PODXL: variants seen among roughly 807,000 people sequenced by gnomAD.
PODXL encodes the protein podocalyxin like.
A neutral mutation model predicts 48.9 loss-of-function variants in PODXL; 20 were observed. That is an observed-to-expected ratio of 0.41 (90% confidence interval 0.29 to 0.59). PODXL has a LOEUF of 0.59. PODXL is among the 20% of genes least tolerant of loss of function. The pLI, the probability that PODXL is intolerant of heterozygous loss-of-function variation, is 0.31. For missense variants in PODXL, 606 were observed against 675.1 expected (o/e 0.90, Z 1.13); for synonymous variants, 295 against 287.4 (o/e 1.03, Z -0.27).
chr7:131,506,106 C>G (rs1797795890), intron 7 of PODXL, 71 bp from the exon 8 acceptor site: 1 of 1,564,040 alleles, frequency 6.4e-7, no homozygotes, highest in African/African-American at 1.4e-5. Flanking sequence ...CACTGTAGAG[C>G]CCCTCCGCTT....
chr7:131,522,139 C>A (rs1211957683), intron 1 of PODXL, among the ~76,000 whole-genome samples: 1 of 152,146 alleles, frequency 6.6e-6, no homozygotes, highest in Non-Finnish European at 1.5e-5. Flanking sequence ...ACAAGGCCAG[C>A]AAGTGTGAAG....
chr7:131,535,222 A>G (rs1054580739), intron 1 of PODXL, among the ~76,000 whole-genome samples: 7 of 152,166 alleles, frequency 4.6e-5, no homozygotes, highest in Non-Finnish European at 8.8e-5. Flanking sequence ...GCAGAGCTTC[A>G]GTGTCGGAGG....
rs1562922076 is a variant in PODXL at position 131,556,290 on chromosome 7, GCGACGA to G, written c.64_69del (p.Ser22_Ser23del). ...TGGGAGGGCGACGGCGACGGCGACG[GCGACGA>G]CGGCAGCAGCGGCGGCGTTGACAAC... On this transcript the variant is annotated inframe_deletion, in exon 1 of 9. Coordinates refer to ENST00000378555, the MANE Select transcript of PODXL (RefSeq NM_001018111.3). The G allele has an allele frequency of 6.7e-7, 1 of 1,484,596 alleles. No homozygotes were observed. The highest frequency in any genetic ancestry group is 8.9e-7 in the Non-Finnish European group (1 of 1,122,010). 92.0% of individuals were successfully genotyped at this position (1,484,596 alleles called of 1,614,324 possible). A position where few individuals can be genotyped will look rare whatever the true frequency, so the allele number is the denominator to read the frequency against.
intron 1 of PODXL, among the ~76,000 whole-genome samples, chr7:131,515,488 G>A (rs1797979395): frequency 6.6e-6 from 1 of 151,912 alleles, no homozygotes; most frequent in Admixed American, 6.6e-5. Flanking sequence ...TGCAACCTCA[G>A]CCTCCCAGGT....
chr7:131,547,072 T>C (rs1798590390), intron 1 of PODXL, among the ~76,000 whole-genome samples: 1 of 152,022 alleles, frequency 6.6e-6, no homozygotes, highest in South Asian at 2.1e-4. Context: ...CTGACGCCAA[T>C]ACAAGAAATA....
intron 1 of PODXL, among the ~76,000 whole-genome samples, chr7:131,537,585 TCCGCC>T (rs1483356293): frequency 7.0e-4 from 31 of 44,464 alleles, no homozygotes; most frequent in Middle Eastern, 0.011. Context: ...GAAGCAAGAC[TCCGCC>T]CCACCCCACC....
intron 1 of PODXL, among the ~76,000 whole-genome samples, chr7:131,550,093 A>C (rs1376957990): frequency 6.6e-6 from 1 of 152,252 alleles, no homozygotes; most frequent in Non-Finnish European, 1.5e-5. Context: ...TTGTGCAGCC[A>C]ATTATCCCGC....
chr7:131,524,499 C>T (rs1186708231), intron 1 of PODXL, among the ~76,000 whole-genome samples: 1 of 151,826 alleles, frequency 6.6e-6, no homozygotes, highest in African/African-American at 2.4e-5. Flanking sequence ...ATACAGATGG[C>T]AAATAAGCAT....
Position 131,506,643 on chromosome 7 carries a change from G to A in PODXL, c.1185C>T (p.Cys395=), listed in dbSNP as rs748107948. The change falls in exon 6 of 9, where the codon TGC becomes TGT. Residue 395 remains cysteine (C), a synonymous_variant. Transcript: ENST00000378555. ...CTGGAACAGATGCCAGCCGTATGCC[G>A]CACTTATCTTGGGCCGGGTTGAAGG... The part of the protein sequence containing the change: ...KATFNPAQDK[C]GIRLASVPGS... 1.9e-5 allele frequency: 30 copies of A among 1,614,052 alleles called. 1 individual carries two copies. Among genetic ancestry groups the A allele is most frequent in the South Asian group, 4.4e-5 (4 of 91,088 alleles).
At chr7:131,507,376 T>C (rs541639142) in intron 5 of PODXL, among the ~76,000 whole-genome samples, 1 of 152,294 alleles carries the variant, frequency 6.6e-6, no homozygotes, top group South Asian at 2.1e-4. Context: ...TATTTAGCTC[T>C]AAGAACAAAG....
chr7:131,511,715 C>T (rs1411109411), intron 1 of PODXL, among the ~76,000 whole-genome samples: 1 of 152,186 alleles, frequency 6.6e-6, no homozygotes, highest in Non-Finnish European at 1.5e-5. Flanking sequence ...CTCTGCCTCC[C>T]TCAGAGCTGG....
At position 131,504,516 on chromosome 7, in the gene PODXL, G is replaced by T. The variant is rs750259551; in HGVS notation, c.1480-8C>A. 6.2e-7 allele frequency: 1 copy of T among 1,613,630 alleles called. No individual in the cohort carries two copies. Among genetic ancestry groups the T allele is most frequent in the East Asian group, 2.2e-5 (1 of 44,876 alleles). On this transcript the variant is annotated splice_region_variant and splice_polypyrimidine_tract_variant and intron_variant, in intron 8 of 8. Transcript: ENST00000378555. ...CTCCTCTGTTAGCCGCTGCTAGAGT[G>T]GGGAAGGTGACCGGTGAGAAGGGGG...
intron 1 of PODXL, among the ~76,000 whole-genome samples, chr7:131,514,815 G>T (rs763653959): frequency 1.3e-5 from 2 of 151,948 alleles, no homozygotes; most frequent in Admixed American, 1.3e-4. Context: ...CACTATAATG[G>T]CCAGGCTAGT....
rs1273416020 is a variant in PODXL at position 131,551,256 on chromosome 7, AG to A, written c.100+5003del. Among the ~76,000 whole-genome samples the A allele has an allele frequency of 7.9e-5, 12 of 152,194 alleles. No homozygotes were observed. The East Asian group carries it at 2.1e-3, about 27-fold the overall frequency. On this transcript the variant is annotated intron_variant, in intron 1 of 8. Coordinates refer to ENST00000378555, the MANE Select transcript of PODXL (RefSeq NM_001018111.3). Reference sequence around the variant, plus strand: ...AGCAGACAGGATACATGATAAAGAGAGGCCCATCCAACTTAGCCCATGTTCC... The same window carrying A: ...AGCAGACAGGATACATGATAAAGAGAGCCCATCCAACTTAGCCCATGTTCC...
At chr7:131,556,159 G>A in intron 1 of PODXL, 101 bp downstream of exon 1, 2 of 1,334,660 alleles carry the variant, frequency 1.5e-6, no homozygotes, top group South Asian at 1.9e-5. Context: ...GGGCTGCTCG[G>A]GGTCGGACCA....
At chr7:131,526,657 T>G (rs1368208098) in intron 1 of PODXL, among the ~76,000 whole-genome samples, 4 of 151,228 alleles carry the variant, frequency 2.6e-5, no homozygotes, top group African/African-American at 9.7e-5. Flanking sequence ...GTAAATTGGT[T>G]GAAACACTTT....
At chr7:131,537,066 C>A (rs1798386606) in intron 1 of PODXL, among the ~76,000 whole-genome samples, 1 of 152,132 alleles carries the variant, frequency 6.6e-6, no homozygotes, top group South Asian at 2.1e-4. Flanking sequence ...GTGGAGGCTG[C>A]AGTGAGCCAT....
intron 1 of PODXL, among the ~76,000 whole-genome samples, chr7:131,515,587 G>C (rs933698274): frequency 2.6e-5 from 4 of 152,130 alleles, no homozygotes; most frequent in African/African-American, 9.7e-5. Flanking sequence ...ATTTTTAGTA[G>C]AAATGGGGTT....
At chr7:131,520,706 A>T (rs1798077844) in intron 1 of PODXL, among the ~76,000 whole-genome samples, 1 of 152,268 alleles carries the variant, frequency 6.6e-6, no homozygotes, top group Admixed American at 6.5e-5. Flanking sequence ...TGTTTCATGT[A>T]CAATCGTCCA....
Sources: allele counts gnomAD v4.1 joint callset (sites outside exome capture counted in the v4.1 genomes callset), GRCh38; gene constraint gnomAD v4.1.1; transcripts MANE v1.5; gene names NCBI Gene and HGNC (gene_info 2026-07-23, HGNC 2026-07-21).